The following CRHBP variants were observed in gnomAD, a reference collection of about 807,000 sequenced individuals.
CRHBP encodes corticotropin releasing hormone binding protein, also known as corticotropin-releasing hormone-binding protein.
Under a neutral mutation model 34.9 loss-of-function variants are expected in CRHBP, and 19 were observed. The ratio of observed to expected loss-of-function variants is 0.55; its 90% CI spans 0.38 to 0.80. CRHBP has a LOEUF of 0.80. Among genes scored for constraint, CRHBP ranks in the 30% least tolerant of loss-of-function variants. The pLI, the probability that CRHBP is intolerant of heterozygous loss-of-function variation, is 0.00. For synonymous variants in CRHBP, 154 were observed against 153.4 expected, an observed-to-expected ratio of 1.00 and a Z score of -0.03; for missense variants, 328 against 409.2, an observed-to-expected ratio of 0.80 and a Z score of 1.71.
chr5:76,965,000 AG>A (rs1745840361), intron 6 of CRHBP, among the ~76,000 whole-genome samples: 1 of 151,496 alleles, frequency 6.6e-6, no homozygotes, highest in South Asian at 2.1e-4. Context: ...ATAAAAAAAA[AG>A]AAAAGAATCA....
At chr5:76,980,095 CA>C (rs983272349) in intron 3 of CRHBP, among the ~76,000 whole-genome samples, 12 of 146,568 alleles carry the variant, frequency 8.2e-5, no homozygotes, top group Non-Finnish European at 1.4e-4. Flanking sequence ...ACTAAAAATA[CA>C]AAAAAAAAAT....
chr5:76,958,671 C>A, intron 4 of CRHBP, 70 bp from the exon 5 acceptor site: 2 of 1,521,936 alleles, frequency 1.3e-6, no homozygotes, highest in Non-Finnish European at 8.8e-7. Context: ...GAATAAGATA[C>A]AATAAATGTC....
chr5:76,965,338 G>T (rs1745845691), intron 6 of CRHBP, among the ~76,000 whole-genome samples: 1 of 152,210 alleles, frequency 6.6e-6, no homozygotes, highest in Admixed American at 6.5e-5. Flanking sequence ...TTTCAGATGA[G>T]ATTTAAGGTA....
intron 4 of CRHBP, 107 bp downstream of exon 4, chr5:76,955,970 G>T: frequency 3.1e-6 from 3 of 976,588 alleles, no homozygotes; most frequent in South Asian, 1.9e-5. Flanking sequence ...TGATTTGAAT[G>T]GAAATTTTTT....
intron 6 of CRHBP, among the ~76,000 whole-genome samples, chr5:76,967,952 C>T (rs1745883572): frequency 6.6e-6 from 1 of 152,110 alleles, no homozygotes; most frequent in Non-Finnish European, 1.5e-5. Flanking sequence ...CCACGTCGGC[C>T]TCCCAAAGTG....
intron 2 of CRHBP, among the ~76,000 whole-genome samples, chr5:76,975,955 C>CAT (rs1746028753): frequency 4.9e-5 from 6 of 121,482 alleles, no homozygotes; most frequent in African/African-American, 2.0e-4. Context: ...TATATATATG[C>CAT]GTGTATATAT....
At chr5:76,979,949 CAGTT>C (rs1746092507) in intron 3 of CRHBP, among the ~76,000 whole-genome samples, 1 of 152,178 alleles carries the variant, frequency 6.6e-6, no homozygotes, top group East Asian at 1.9e-4. Context: ...GTAAATCACA[CAGTT>C]AGAAAGCAGT....
Position 76,969,161 on chromosome 5 carries a change from G to T in CRHBP, c.*276G>T. 3.4e-6 allele frequency: 1 copy of T among 297,890 alleles called. No individual in the cohort carries two copies. Among genetic ancestry groups the T allele is most frequent in the Non-Finnish European group, 6.2e-6 (1 of 162,340 alleles). The allele number at this position is 297,890 out of a possible 1,614,324, so 18.5% of individuals were successfully genotyped here. ...ATGGAAATGTTTGTAATTCTTTGAT[G>T]TGCTACAAACCTGAAACTGGTAAGA... On this transcript the variant is annotated 3_prime_UTR_variant, in exon 7 of 7. Coordinates refer to ENST00000274368, the MANE Select transcript of CRHBP (RefSeq NM_001882.4).
intron 5 of CRHBP, among the ~76,000 whole-genome samples, chr5:76,963,060 A>G (rs934168929): frequency 6.6e-6 from 1 of 152,174 alleles, no homozygotes; most frequent in East Asian, 1.9e-4. Flanking sequence ...GAGTTTACAG[A>G]TTTCCATTTT....
At chr5:76,953,338 TCTTGCC>T in intron 1 of CRHBP, 123 bp downstream of exon 1, 1 of 965,830 alleles carries the variant, frequency 1.0e-6, no homozygotes, top group Non-Finnish European at 1.6e-6. Flanking sequence ...CTGGATGCTG[TCTTGCC>T]CCTGGTTTCC....
chr5:76,963,328 G>GC lies in CRHBP; in HGVS notation c.694-14dup. On this transcript the variant is annotated splice_polypyrimidine_tract_variant and intron_variant, in intron 5 of 6. Transcript: ENST00000274368. ...TGGTTTAAATGTGTCTTTCTCTGCT[G>GC]CTTTATTCCCTTAGAAATCCTCAGC... 6.2e-7 allele frequency: 1 copy of GC among 1,608,750 alleles called. No homozygotes were observed. Among genetic ancestry groups the GC allele is most frequent in the Non-Finnish European group, 8.5e-7 (1 of 1,175,224 alleles).
intron 5 of CRHBP, among the ~76,000 whole-genome samples, chr5:76,960,258 A>G (rs928695064): frequency 2.0e-5 from 3 of 152,220 alleles, no homozygotes; most frequent in Non-Finnish European, 4.4e-5. Context: ...TGGGTGATAG[A>G]TCAGAAGGAA....
intron 6 of CRHBP, among the ~76,000 whole-genome samples, chr5:76,968,359 A>G (rs1236973436): frequency 5.3e-5 from 8 of 152,114 alleles, no homozygotes; most frequent in African/African-American, 1.9e-4. Context: ...TTCCACTGCA[A>G]TCCCTGAACC....
intron 6 of CRHBP, among the ~76,000 whole-genome samples, chr5:76,967,664 A>T (rs530366189): frequency 2.0e-5 from 3 of 152,258 alleles, no homozygotes; most frequent in Admixed American, 2.0e-4. Flanking sequence ...GGAGATATAA[A>T]AGTTGTCAGA....
Position 76,955,103 on chromosome 5 carries a change from T to C in CRHBP, c.334-550T>C, listed in dbSNP as rs554728446. 2.9e-4 allele frequency among the ~76,000 whole-genome samples: 44 copies of C among 152,348 alleles called. 2 individuals are homozygous for C. The East Asian group carries it at 7.3e-3, about 25-fold the overall frequency. ...GTTCCAGGTAGCATACCAGCCATCA[T>C]TGCCTGGCTGTTGAAGCAGTTCTTG... On this transcript the variant is annotated intron_variant, in intron 3 of 6. Transcript: ENST00000274368.
intron 3 of CRHBP, among the ~76,000 whole-genome samples, chr5:76,979,897 C>A (rs964391949): frequency 1.3e-5 from 2 of 152,152 alleles, no homozygotes; most frequent in Non-Finnish European, 2.9e-5. Flanking sequence ...AGCATTGAAA[C>A]CTATCTTCAC....
chr5:76,979,198 G>A (rs777105968), intron 3 of CRHBP, among the ~76,000 whole-genome samples: 2 of 151,740 alleles, frequency 1.3e-5, no homozygotes, highest in African/African-American at 4.8e-5. Context: ...TCGAGATGGG[G>A]TCTTTCTCTG....
chr5:76,967,481 A>G (rs1745876803), intron 6 of CRHBP, among the ~76,000 whole-genome samples: 1 of 152,196 alleles, frequency 6.6e-6, no homozygotes, highest in Non-Finnish European at 1.5e-5. Context: ...AAAACACCTT[A>G]TAGAGACAAA....
intron 6 of CRHBP, 148 bp downstream of exon 6, chr5:76,963,608 T>A (rs1300763381): frequency 1.6e-6 from 1 of 635,980 alleles, no homozygotes; most frequent in Non-Finnish European, 2.8e-6. Flanking sequence ...TTTGAGGCTA[T>A]ATATAACATC....
Sources: allele counts gnomAD v4.1 joint callset (sites outside exome capture counted in the v4.1 genomes callset), GRCh38; gene constraint gnomAD v4.1.1; transcripts MANE v1.5; gene names NCBI Gene and HGNC (gene_info 2026-07-23, HGNC 2026-07-21).